The following ZNF892 variants were observed in gnomAD, a reference collection of about 807,000 sequenced individuals.
ZNF892 encodes zinc finger protein 892.
the ZNF892 span, among the ~76,000 whole-genome samples, chr2:95,248,859 A>T: frequency 6.6e-6 from 1 of 152,036 alleles, no homozygotes. Flanking sequence ...TTTTAGGACA[A>T]AATTACTCTA....
the ZNF892 span, among the ~76,000 whole-genome samples, chr2:95,263,281 G>C: frequency 6.6e-6 from 1 of 152,150 alleles, no homozygotes; most frequent in Non-Finnish European, 1.5e-5. Flanking sequence ...CAACAGCCTA[G>C]ATTCTACCAC....
At chr2:95,254,803 G>T in the ZNF892 span, among the ~76,000 whole-genome samples, 7 of 152,224 alleles carry the variant, frequency 4.6e-5, no homozygotes, top group Non-Finnish European at 8.8e-5. Flanking sequence ...TCCTGGTTTA[G>T]ACTTGGGAGG....
chr2:95,220,482 C>A, the ZNF892 span, among the ~76,000 whole-genome samples: 1 of 152,006 alleles, frequency 6.6e-6, no homozygotes, highest in East Asian at 1.9e-4. Flanking sequence ...GTTCTGAGGT[C>A]CCTGGCCAGT....
the ZNF892 span, among the ~76,000 whole-genome samples, chr2:95,263,336 T>TTAA: frequency 6.6e-6 from 1 of 152,196 alleles, no homozygotes; most frequent in Non-Finnish European, 1.5e-5. Flanking sequence ...ACACCTTGAT[T>TTAA]TTAGTCTTGT....
At chr2:95,233,700 A>AAAAAC in the ZNF892 span, among the ~76,000 whole-genome samples, 6 of 148,866 alleles carry the variant, frequency 4.0e-5, no homozygotes, top group East Asian at 2.0e-4. Context: ...AAAAAAAAAA[A>AAAAAC]TCTCGCTATG....
chr2:95,261,896 G>T, the ZNF892 span, among the ~76,000 whole-genome samples: 1 of 152,186 alleles, frequency 6.6e-6, no homozygotes, highest in East Asian at 1.9e-4. Context: ...AATGGGCCCC[G>T]TGCAGGCATT....
the ZNF892 span, among the ~76,000 whole-genome samples, chr2:95,240,338 C>T: frequency 6.6e-6 from 1 of 152,184 alleles, no homozygotes; most frequent in African/African-American, 2.4e-5. Flanking sequence ...ATGGCCCACA[C>T]AGGAGCAGCA....
the ZNF892 span, among the ~76,000 whole-genome samples, chr2:95,237,885 A>G: frequency 2.0e-5 from 3 of 152,264 alleles, no homozygotes; most frequent in Non-Finnish European, 4.4e-5. Flanking sequence ...AGCCTAATCC[A>G]GAGCAAACCT....
At chr2:95,229,244 G>A in the ZNF892 span, among the ~76,000 whole-genome samples, 5 of 152,118 alleles carry the variant, frequency 3.3e-5, no homozygotes, top group Admixed American at 1.3e-4. Flanking sequence ...CCAGGTTCAC[G>A]GTATCACTAT....
At chr2:95,240,100 C>T in the ZNF892 span, among the ~76,000 whole-genome samples, 6 of 151,040 alleles carry the variant, frequency 4.0e-5, no homozygotes, top group Admixed American at 1.3e-4. Flanking sequence ...TGGGAAATTC[C>T]GAAGTTAGTT....
At chr2:95,224,397 A>G in the ZNF892 span, among the ~76,000 whole-genome samples, 1 of 152,214 alleles carries the variant, frequency 6.6e-6, no homozygotes, top group Non-Finnish European at 1.5e-5. Context: ...TAAGTAAGTT[A>G]TAAGGAAAAG....
the ZNF892 span, among the ~76,000 whole-genome samples, chr2:95,209,189 C>G: frequency 1.3e-5 from 2 of 151,766 alleles, no homozygotes; most frequent in South Asian, 4.2e-4. Context: ...CTTTGAAAAA[C>G]AAGAGAGAGT....
chr2:95,245,453 G>C, the ZNF892 span, among the ~76,000 whole-genome samples: 41 of 91,020 alleles, frequency 4.5e-4, 3 homozygotes, highest in African/African-American at 1.7e-3. Context: ...GAGACGGCGG[G>C]GGGGGGGGGG....
At chr2:95,233,534 G>A in the ZNF892 span, among the ~76,000 whole-genome samples, 5 of 151,170 alleles carry the variant, frequency 3.3e-5, no homozygotes, top group African/African-American at 4.9e-5. Context: ...TTAGCCGGGC[G>A]TGGTGGTGGG....
the ZNF892 span, among the ~76,000 whole-genome samples, chr2:95,244,459 AC>A: frequency 6.6e-6 from 1 of 152,214 alleles, no homozygotes; most frequent in Non-Finnish European, 1.5e-5. Flanking sequence ...CAAGGGCATT[AC>A]GTAATGGTAA....
At chr2:95,207,231 G>A in the ZNF892 span, among the ~76,000 whole-genome samples, 1 of 152,228 alleles carries the variant, frequency 6.6e-6, no homozygotes, top group South Asian at 2.1e-4. Flanking sequence ...GAAGGATCCT[G>A]CGTAGGTCAA....
the ZNF892 span, among the ~76,000 whole-genome samples, chr2:95,250,076 G>A: frequency 6.6e-6 from 1 of 151,986 alleles, no homozygotes; most frequent in African/African-American, 2.4e-5. Context: ...TTATTTTGTA[G>A]ATAAATCAGG....
chr2:95,245,717 G>T, the ZNF892 span, among the ~76,000 whole-genome samples: 2 of 151,734 alleles, frequency 1.3e-5, no homozygotes, highest in Non-Finnish European at 2.9e-5. Flanking sequence ...TACAAACAAC[G>T]ATCAAGAATA....
At chr2:95,253,019 T>A in the ZNF892 span, among the ~76,000 whole-genome samples, 2 of 152,258 alleles carry the variant, frequency 1.3e-5, no homozygotes, top group Non-Finnish European at 2.9e-5. Context: ...GCAAAAATTT[T>A]CTCCCATTCT....
Sources: gnomAD v4.1 joint callset for allele counts (sites outside exome capture counted in the v4.1 genomes callset) on GRCh38, gnomAD v4.1.1 for gene constraint, MANE v1.5 for transcripts, NCBI Gene and HGNC (gene_info 2026-07-23, HGNC 2026-07-21) for gene names.